The following SLC22A23 variants were observed in gnomAD, a reference collection of about 807,000 sequenced individuals.
The protein encoded by SLC22A23 is ion transporter protein.
In SLC22A23, 26 loss-of-function variants were observed where a neutral mutation model predicts 61.0. The ratio of observed to expected loss-of-function variants is 0.43; its 90% CI spans 0.31 to 0.59. The LOEUF (loss-of-function observed/expected upper bound fraction) is 0.59, where lower values mean the gene tolerates loss of function less well. Ranked by LOEUF, SLC22A23 falls within the 20% of genes least tolerant of loss-of-function variation. The pLI is 0.11. For synonymous variants in SLC22A23, 430 were observed against 413.9 expected (o/e 1.04, Z -0.47); for missense variants, 796 against 934.7 (o/e 0.85, Z 1.94).
chr6:3,285,287 C>T (rs889077079), intron 7 of SLC22A23, among the ~76,000 whole-genome samples, 176 bp from the exon 8 acceptor site: 5 of 152,258 alleles, frequency 3.3e-5, no homozygotes, highest in African/African-American at 7.2e-5. Context: ...ATTCATACTG[C>T]GCTAAACAAA....
intron 4 of SLC22A23, among the ~76,000 whole-genome samples, chr6:3,307,771 T>C (rs143933503): frequency 5.3e-5 from 8 of 152,372 alleles, no homozygotes; most frequent in South Asian, 2.1e-4. Flanking sequence ...GGTTTGGCTA[T>C]GGAATTAATT....
Position 3,317,807 on chromosome 6 carries a change from AAACCACACGAGAG to A in SLC22A23, c.1082+6014_1082+6026del, listed in dbSNP as rs1263909926. ...ACTAAGTGCTCAAGTTTGACTCTGC[AAACCACACGAGAG>A]GACCAGGCGAGCGCACCCTCCCATT... On this transcript the variant is annotated intron_variant, in intron 4 of 9. Coordinates refer to ENST00000406686, the MANE Select transcript of SLC22A23 (RefSeq NM_015482.2). The surrounding 1 kb of genome is among the most constrained non-coding windows in gnomAD (Gnocchi z 4.4). Among the ~76,000 whole-genome samples the A allele has an allele frequency of 6.6e-6, 1 of 152,116 alleles. No homozygotes were observed. Among genetic ancestry groups the A allele is most frequent in the African/African-American group, 2.4e-5 (1 of 41,402 alleles).
chr6:3,367,473 G>A (rs1765910602), intron 3 of SLC22A23, among the ~76,000 whole-genome samples: 2 of 152,204 alleles, frequency 1.3e-5, no homozygotes, highest in South Asian at 4.1e-4. Flanking sequence ...TTAGGAACAG[G>A]CTTCTGCAGT....
At chr6:3,447,894 TC>T (rs1472819079) in intron 1 of SLC22A23, among the ~76,000 whole-genome samples, 8 of 45,532 alleles carry the variant, frequency 1.8e-4, no homozygotes, top group African/African-American at 9.8e-4. Context: ...GGCCTCTCTC[TC>T]TCTTTTTTTT....
At chr6:3,323,264 AC>A (rs1277715921) in intron 4 of SLC22A23, 7 of 456,302 alleles carry the variant, frequency 1.5e-5, no homozygotes, top group Non-Finnish European at 2.6e-5. Context: ...TACCATACCA[AC>A]CTGCTGCATC....
chr6:3,363,651 G>A (rs1356403592), intron 3 of SLC22A23, among the ~76,000 whole-genome samples: 3 of 152,260 alleles, frequency 2.0e-5, no homozygotes, highest in Non-Finnish European at 2.9e-5. Context: ...ATTCTCCAGA[G>A]GACAATGCCA....
chr6:3,309,328 C>T lies in SLC22A23; in HGVS notation c.1083-11110G>A, dbSNP rs1423439623. On this transcript the variant is annotated intron_variant, in intron 4 of 9. Transcript: ENST00000406686. This position sits in a 1 kb window ranked among gnomAD's most constrained non-coding sequence, Gnocchi z 4.7. ...AAATCAAAATAAACATGAAAAGAGCCAAGAATTCGAAATTAAGTAAAAGGG... is the reference window on the plus strand; with the variant it reads ...AAATCAAAATAAACATGAAAAGAGCTAAGAATTCGAAATTAAGTAAAAGGG... 6.6e-6 allele frequency among the ~76,000 whole-genome samples: 1 copy of T among 152,052 alleles called. No individual in the cohort carries two copies. The highest frequency in any genetic ancestry group is 1.5e-5 in the Non-Finnish European group (1 of 68,018).
In SLC22A23 at chr6:3,342,724, A is replaced by G. The variant is rs6919095; in HGVS notation, c.914-18722T>C. ...GCCATCGTACAAATAACACCTTCAC[A>G]TTAGTGCTGGGGATGAAAACCTTTT... On this transcript the variant is annotated intron_variant, in intron 3 of 9. Coordinates refer to ENST00000406686, the MANE Select transcript of SLC22A23 (RefSeq NM_015482.2). The surrounding 1 kb of genome is among the most constrained non-coding windows in gnomAD (Gnocchi z 4.0). Among the ~76,000 whole-genome samples the G allele has an allele frequency of 0.43, 64,710 of 152,016 alleles. 15,133 individuals carry two copies. Among genetic ancestry groups the G allele is most frequent in the African/African-American group, 0.63 (26,047 of 41,434 alleles).
At chr6:3,419,325 C>G (rs1018124546) in intron 1 of SLC22A23, among the ~76,000 whole-genome samples, 1 of 152,206 alleles carries the variant, frequency 6.6e-6, no homozygotes, top group Non-Finnish European at 1.5e-5. Context: ...GGGGCAGGCG[C>G]TCACTCATGT....
chr6:3,448,868 G>A (rs570300614), intron 1 of SLC22A23, among the ~76,000 whole-genome samples: 1 of 152,314 alleles, frequency 6.6e-6, no homozygotes, highest in South Asian at 2.1e-4. Flanking sequence ...AAAGGCACCT[G>A]CAGAAAATGT....
rs571374325 is a variant in SLC22A23 at position 3,428,671 on chromosome 6, C to T, written c.655-12816G>A. Among the ~76,000 whole-genome samples, 422 of 152,256 alleles carry T rather than the reference C, an allele frequency of 2.8e-3. 6 individuals carry two copies. Among genetic ancestry groups the T allele is most frequent in the African/African-American group, 9.5e-3 (393 of 41,522 alleles). ...AAGGCAAATAGACAGCAAAAGACAACGTAAAAATATATTAATAAAATTAAC... is the reference window on the plus strand; with the variant it reads ...AAGGCAAATAGACAGCAAAAGACAATGTAAAAATATATTAATAAAATTAAC... On this transcript the variant is annotated intron_variant, in intron 1 of 9. Coordinates refer to ENST00000406686, the MANE Select transcript of SLC22A23 (RefSeq NM_015482.2).
intron 1 of SLC22A23, among the ~76,000 whole-genome samples, chr6:3,423,376 T>G (rs2127532176): frequency 6.6e-6 from 1 of 152,322 alleles, no homozygotes; most frequent in South Asian, 2.1e-4. Flanking sequence ...TGAACGTTCT[T>G]ATTCGTTTTG....
At position 3,292,976 on chromosome 6, in the gene SLC22A23, C is replaced by T. The variant is rs867413181; in HGVS notation, c.1211-3110G>A. On this transcript the variant is annotated intron_variant, in intron 5 of 9. Transcript: ENST00000406686. ...CTGCTGACCCGCTGGGAGGAGGGCA[C>T]GGCCTCTCCACATTTGGCCATCTGG... 4.6e-5 allele frequency among the ~76,000 whole-genome samples: 7 copies of T among 152,306 alleles called. No homozygotes were observed. In the South Asian group the frequency reaches 8.3e-4, roughly 18 times the overall value.
chr6:3,456,016 T>A lies in SLC22A23; in HGVS notation c.544A>T (p.Thr182Ser). ...SNSSGADGGD[T>S]PPLPSPPDKG... is the part of the protein sequence containing the mutation. ...TCCGGAGGGGATGGCAGGGGTGGTG[T>A]GTCGCCTCCGTCCGCGCCGCTGCTG... Residue 182 changes from threonine (T) to serine (S), a missense_variant, in exon 1 of 10, where the codon ACA becomes TCA. Transcript: ENST00000406686. This position sits in a 1 kb window ranked among gnomAD's most constrained non-coding sequence, Gnocchi z 7.1. The A allele has an allele frequency of 6.5e-7, 1 of 1,546,746 alleles. No individual in the cohort carries two copies. Among genetic ancestry groups the A allele is most frequent in the Non-Finnish European group, 8.7e-7 (1 of 1,146,758 alleles).
chr6:3,374,562 C>T (rs563830407), intron 3 of SLC22A23, among the ~76,000 whole-genome samples: 47 of 152,266 alleles, frequency 3.1e-4, no homozygotes, highest in African/African-American at 8.7e-4. Context: ...AGAAACTGGG[C>T]GGGCTGAAAC....
intron 3 of SLC22A23, among the ~76,000 whole-genome samples, chr6:3,395,064 G>A (rs1382670715): frequency 2.0e-5 from 3 of 152,174 alleles, no homozygotes; most frequent in African/African-American, 7.2e-5. Context: ...TCCGGAAGTG[G>A]GCAGGAATAT....
chr6:3,362,433 A>AAAAAAAAAAC (rs1765533810), intron 3 of SLC22A23, among the ~76,000 whole-genome samples: 1 of 132,304 alleles, frequency 7.6e-6, no homozygotes, highest in Non-Finnish European at 1.6e-5. Context: ...AAAAAATAAA[A>AAAAAAAAAAC]AATAAAAATT....
chr6:3,432,919 G>A (rs1053226563), intron 1 of SLC22A23, among the ~76,000 whole-genome samples: 1 of 152,162 alleles, frequency 6.6e-6, no homozygotes, highest in Non-Finnish European at 1.5e-5. Context: ...TGAAGGGAAC[G>A]TACAATTCTG....
intron 5 of SLC22A23, among the ~76,000 whole-genome samples, chr6:3,296,443 T>C (rs1449698077): frequency 6.6e-6 from 1 of 152,208 alleles, no homozygotes; most frequent in Non-Finnish European, 1.5e-5. Context: ...CGGGGCTAAT[T>C]ATAGTGCCTC....
Sources: gnomAD v4.1 joint callset for allele counts (sites outside exome capture counted in the v4.1 genomes callset) on GRCh38, gnomAD v4.1.1 for gene constraint, Gnocchi (gnomAD v3.1) non-coding constraint, MANE v1.5 for transcripts, NCBI Gene and HGNC (gene_info 2026-07-23, HGNC 2026-07-21) for gene names.